GRAMD1B: variants seen among roughly 807,000 people sequenced by gnomAD.
GRAMD1B encodes protein Aster-B.
Under a neutral mutation model 99.7 loss-of-function variants are expected in GRAMD1B, and 37 were observed. The ratio of observed to expected loss-of-function variants is 0.37; its 90% CI spans 0.29 to 0.49. GRAMD1B has a LOEUF of 0.49. GRAMD1B is among the 20% of genes least tolerant of loss of function. The pLI is 0.98. For synonymous variants in GRAMD1B, 427 were observed against 387.6 expected (o/e 1.10, Z -1.19); for missense variants, 888 against 1,009.2 (o/e 0.88, Z 1.63).
At chr11:123,548,561 G>C (rs577124057) in intron 2 of GRAMD1B, among the ~76,000 whole-genome samples, 4 of 151,932 alleles carry the variant, frequency 2.6e-5, no homozygotes, top group African/African-American at 7.2e-5. Context: ...GGAGAGTCCA[G>C]GCTGAATTAA....
chr11:123,367,695 C>CT lies in GRAMD1B; in HGVS notation c.-176+8908dup, dbSNP rs1264109792. 1.4e-3 allele frequency among the ~76,000 whole-genome samples: 196 copies of CT among 139,026 alleles called. 1 individual carries two copies. The highest frequency in any genetic ancestry group is 7.4e-3 in the South Asian group (32 of 4,326). The allele number at this position is 139,026 out of a possible 152,430, so 91.2% of individuals were successfully genotyped here. A position where few individuals can be genotyped will look rare whatever the true frequency, so the allele number is the denominator to read the frequency against. Reference sequence around the variant, plus strand: ...AACTGAGGCAACACCATTTTTTTTTCTTTTTTTTTTTTAGCAGGAGGGTAA... The same window carrying CT: ...AACTGAGGCAACACCATTTTTTTTTCTTTTTTTTTTTTTAGCAGGAGGGTAA... On this transcript the variant is annotated intron_variant, in intron 1 of 20. Transcript: ENST00000638157.
At chr11:123,581,174 A>T (rs1949319403) in intron 3 of GRAMD1B, among the ~76,000 whole-genome samples, 1 of 151,834 alleles carries the variant, frequency 6.6e-6, no homozygotes, top group South Asian at 2.1e-4. Context: ...TGCTCTTCAG[A>T]CCTTCTAGGA....
At chr11:123,514,926 T>A (rs1591779220) in intron 2 of GRAMD1B, among the ~76,000 whole-genome samples, 1 of 152,232 alleles carries the variant, frequency 6.6e-6, no homozygotes, top group East Asian at 1.9e-4. Flanking sequence ...ACAGAAACCC[T>A]GGCACTTAGC....
At chr11:123,425,566 G>A (rs996403707), upstream of GRAMD1B, among the ~76,000 whole-genome samples, 4 of 152,282 alleles carry the variant, frequency 2.6e-5, no homozygotes, top group East Asian at 3.9e-4. Context: ...CTGAGGTGAC[G>A]TCACTGCTCA....
At chr11:123,440,487 C>T (rs568311809) in intron 1 of GRAMD1B, among the ~76,000 whole-genome samples, 28 of 151,952 alleles carry the variant, frequency 1.8e-4, no homozygotes, top group South Asian at 4.2e-4. Flanking sequence ...CCAGCCTGGG[C>T]GGCTGAGTGA....
intron 2 of GRAMD1B, among the ~76,000 whole-genome samples, chr11:123,505,089 C>A (rs1220074534): frequency 2.0e-5 from 3 of 152,298 alleles, no homozygotes; most frequent in Non-Finnish European, 4.4e-5. Context: ...ATGTCGGACA[C>A]CCTGTTCGGC....
intron 2 of GRAMD1B, among the ~76,000 whole-genome samples, chr11:123,542,591 G>A (rs1024481327): frequency 6.6e-6 from 1 of 152,186 alleles, no homozygotes; most frequent in Non-Finnish European, 1.5e-5. Flanking sequence ...CACATAGGGT[G>A]GGTTTGTGGA....
Position 123,430,744 on chromosome 11 carries a change from C to G in GRAMD1B, c.-49C>G. On this transcript the variant is annotated 5_prime_UTR_variant, in exon 1 of 20. Transcript: ENST00000635736. ...GGGAACAGCCAGAGGGAGACGCGAA[C>G]CAGGCCGCTGGCGGAGGGCTCAGGG... is the stretch of plus-strand genomic sequence containing the variant. 1 of 614,970 alleles carries G rather than the reference C, an allele frequency of 1.6e-6. No homozygotes were observed. Among genetic ancestry groups the G allele is most frequent in the South Asian group, 1.9e-5 (1 of 52,610 alleles). 38.1% of individuals were successfully genotyped at this position (614,970 alleles called of 1,614,324 possible). A position where few individuals can be genotyped will look rare whatever the true frequency, so the allele number is the denominator to read the frequency against.
intron 2 of GRAMD1B, among the ~76,000 whole-genome samples, chr11:123,516,101 G>A (rs888920032): frequency 6.6e-6 from 1 of 152,190 alleles, no homozygotes; most frequent in Non-Finnish European, 1.5e-5. Context: ...TTACCACATT[G>A]TCCTAATTTT....
chr11:123,497,990 C>T (rs1044939646), intron 2 of GRAMD1B, among the ~76,000 whole-genome samples: 3 of 152,108 alleles, frequency 2.0e-5, no homozygotes, highest in African/African-American at 7.2e-5. Context: ...CCTTCCCGGC[C>T]AGAGGAGCCT....
chr11:123,470,408 C>T (rs1308647693), intron 1 of GRAMD1B, among the ~76,000 whole-genome samples: 1 of 152,032 alleles, frequency 6.6e-6, no homozygotes, highest in Admixed American at 6.6e-5. Context: ...TGGACTTAAA[C>T]ACCAAGGCTC....
At chr11:123,486,564 A>AAAAAAG (rs779982778) in intron 2 of GRAMD1B, among the ~76,000 whole-genome samples, 271 of 147,658 alleles carry the variant, frequency 1.8e-3, no homozygotes, top group Middle Eastern at 3.5e-3. Flanking sequence ...GAAAAAAAAA[A>AAAAAAG]AAAAACAAAA....
At chr11:123,534,878 A>C (rs1943797162) in intron 2 of GRAMD1B, among the ~76,000 whole-genome samples, 1 of 152,002 alleles carries the variant, frequency 6.6e-6, no homozygotes, top group Admixed American at 6.6e-5. Flanking sequence ...GAAAAAAAAA[A>C]ATAATGAGGG....
intron 1 of GRAMD1B, among the ~76,000 whole-genome samples, chr11:123,474,243 T>G (rs1951153427): frequency 6.9e-6 from 1 of 144,176 alleles, no homozygotes; most frequent in Non-Finnish European, 1.5e-5. Context: ...CTGCAATGTT[T>G]TCTTTTTTTT....
chr11:123,430,184 C>A (rs985937957), upstream of GRAMD1B, among the ~76,000 whole-genome samples: 6 of 152,104 alleles, frequency 3.9e-5, no homozygotes, highest in Non-Finnish European at 7.4e-5. Context: ...CTAGCCCATT[C>A]AGGATAGCCC....
intron 1 of GRAMD1B, among the ~76,000 whole-genome samples, chr11:123,424,832 T>C (rs367609330): frequency 2.2e-4 from 33 of 152,354 alleles, no homozygotes; most frequent in East Asian, 1.5e-3. Context: ...CAATGCACCA[T>C]GTGTATCTTA....
chr11:123,504,066 T>C (rs1216279539), intron 2 of GRAMD1B, among the ~76,000 whole-genome samples: 2 of 152,194 alleles, frequency 1.3e-5, no homozygotes, highest in African/African-American at 4.8e-5. Flanking sequence ...TCCTGTCCAG[T>C]TCTAGAGGCT....
At position 123,424,498 on chromosome 11, in the gene GRAMD1B, T is replaced by A. The variant is rs149783853; in HGVS notation, c.-175-56318T>A. ...AAACAAACAACCAACCAAAAACCCTTCTGCACTGCAATCTGACCCCTCATT... is the reference window on the plus strand; with the variant it reads ...AAACAAACAACCAACCAAAAACCCTACTGCACTGCAATCTGACCCCTCATT... On this transcript the variant is annotated intron_variant, in intron 1 of 20. Coordinates refer to the GRAMD1B transcript ENST00000638157. Among the ~76,000 whole-genome samples the A allele has an allele frequency of 1.6e-4, 25 of 152,192 alleles. 1 individual carries two copies. The highest frequency in any genetic ancestry group is 4.6e-4 in the Admixed American group (7 of 15,254).
Position 123,492,556 on chromosome 11 carries a change from A to C in GRAMD1B, c.452+11663A>C, listed in dbSNP as rs1938673365. 6.6e-6 allele frequency among the ~76,000 whole-genome samples: 1 copy of C among 152,136 alleles called. No individual in the cohort carries two copies. Among genetic ancestry groups the C allele is most frequent in the Admixed American group, 6.5e-5 (1 of 15,274 alleles). The stretch of plus-strand genomic sequence containing the variant: ...CTGCCCTGCCCTCTTGGCCTCTGTA[A>C]CTAGAAGAAGGAGATTTCCTGGAGG... On this transcript the variant is annotated intron_variant, in intron 2 of 19. Transcript: ENST00000635736. This position sits in a 1 kb window ranked among gnomAD's most constrained non-coding sequence, Gnocchi z 4.2.
Sources: allele counts gnomAD v4.1 joint callset (sites outside exome capture counted in the v4.1 genomes callset), GRCh38; gene constraint gnomAD v4.1.1; non-coding constraint Gnocchi (gnomAD v3.1); transcripts MANE v1.5; gene names NCBI Gene and HGNC (gene_info 2026-07-23, HGNC 2026-07-21).